ARHGAP26: variants seen among roughly 807,000 people sequenced by gnomAD.
ARHGAP26 encodes the protein rho GTPase-activating protein 26.
In ARHGAP26, 38 loss-of-function variants were observed where a neutral mutation model predicts 104.8. The ratio of observed to expected loss-of-function variants is 0.36; its 90% CI spans 0.28 to 0.48. The LOEUF (loss-of-function observed/expected upper bound fraction) is 0.48, where lower values mean the gene tolerates loss of function less well. ARHGAP26 is among the 20% of genes least tolerant of loss of function. The pLI is 0.99. For missense variants in ARHGAP26, 704 were observed against 947.9 expected (o/e 0.74, Z 3.38); for synonymous variants, 341 against 340.0 (o/e 1.00, Z -0.03).
chr5:143,044,574 G>A (rs1783953639), intron 14 of ARHGAP26, among the ~76,000 whole-genome samples: 1 of 151,900 alleles, frequency 6.6e-6, no homozygotes, highest in South Asian at 2.1e-4. Flanking sequence ...TGGGGGATGT[G>A]GGGGATGGGG....
intron 10 of ARHGAP26, among the ~76,000 whole-genome samples, chr5:142,926,049 G>A (rs762323025): frequency 6.6e-6 from 1 of 152,176 alleles, no homozygotes; most frequent in East Asian, 1.9e-4. Flanking sequence ...GCGTAGGAAA[G>A]CTGTCGAGTA....
intron 12 of ARHGAP26, among the ~76,000 whole-genome samples, chr5:143,026,691 A>G (rs1478460540): frequency 1.3e-5 from 2 of 151,798 alleles, no homozygotes; most frequent in Admixed American, 6.6e-5. Flanking sequence ...CTGCATTCTT[A>G]GTGTGAAGAG....
At chr5:142,953,357 C>T (rs1393907698) in intron 11 of ARHGAP26, among the ~76,000 whole-genome samples, 1 of 152,174 alleles carries the variant, frequency 6.6e-6, no homozygotes, top group African/African-American at 2.4e-5. Context: ...TCCCTTTTTC[C>T]TTCTCGTGTA....
Position 142,879,452 on chromosome 5 carries a change from A to G in ARHGAP26, c.384+7A>G. 6.2e-7 allele frequency: 1 copy of G among 1,609,104 alleles called. No homozygotes were observed. Among genetic ancestry groups the G allele is most frequent in the Non-Finnish European group, 8.5e-7 (1 of 1,177,676 alleles). Reference sequence around the variant, plus strand: ...ACAGATCGGGGCTGCCAAGGTGAGAATTTTGCAAGCTTTGGTCTGGATTTT... The same window carrying G: ...ACAGATCGGGGCTGCCAAGGTGAGAGTTTTGCAAGCTTTGGTCTGGATTTT... On this transcript the variant is annotated splice_region_variant and intron_variant, in intron 4 of 22. Coordinates refer to ENST00000645722, the MANE Select transcript of ARHGAP26 (RefSeq NM_001135608.3).
intron 17 of ARHGAP26, among the ~76,000 whole-genome samples, chr5:143,083,856 C>T (rs1038214900): frequency 1.3e-5 from 2 of 152,160 alleles, no homozygotes; most frequent in East Asian, 3.9e-4. Context: ...ATATCTCAGA[C>T]TTATCCCTCT....
At chr5:142,942,368 G>T (rs1766489107) in intron 11 of ARHGAP26, among the ~76,000 whole-genome samples, 1 of 152,104 alleles carries the variant, frequency 6.6e-6, no homozygotes, top group Admixed American at 6.6e-5. Context: ...TAGAAATATA[G>T]TTATCAAAGT....
chr5:143,086,193 G>A (rs1250970708), intron 17 of ARHGAP26, among the ~76,000 whole-genome samples: 1 of 152,116 alleles, frequency 6.6e-6, no homozygotes, highest in Non-Finnish European at 1.5e-5. Context: ...TCTGGAAAAA[G>A]AATTATTCCA....
At chr5:142,950,449 A>C (rs1026497555) in intron 11 of ARHGAP26, among the ~76,000 whole-genome samples, 1 of 152,150 alleles carries the variant, frequency 6.6e-6, no homozygotes, top group Non-Finnish European at 1.5e-5. Context: ...ACTTGCAAGA[A>C]AGAGAAGTAG....
chr5:142,928,582 C>CACA (rs1206991172), intron 10 of ARHGAP26, among the ~76,000 whole-genome samples: 2 of 152,156 alleles, frequency 1.3e-5, no homozygotes, highest in Non-Finnish European at 2.9e-5. Flanking sequence ...TGGCATTGTG[C>CACA]ACAAGAGTTA....
Position 142,903,622 on chromosome 5 carries a change from C to G in ARHGAP26, c.785C>G (p.Thr262Ser), listed in dbSNP as rs746183177. ...AAGGAGAATCCCCTTGAGCACAAGA[C>G]CATCAGTCCCTACACCATGGAGGGA... ...KMKENPLEHK[T>S]ISPYTMEGYL... Residue 262 changes from threonine (T) to serine (S), a missense_variant, in exon 8 of 23, where the codon ACC becomes AGC. Transcript: ENST00000645722. 1.2e-6 allele frequency: 2 copies of G among 1,614,070 alleles called. No homozygotes were observed. The highest frequency in any genetic ancestry group is 2.2e-5 in the South Asian group (2 of 91,072).
chr5:142,771,254 G>A, intron 1 of ARHGAP26: 1 of 1,253,230 alleles, frequency 8.0e-7, no homozygotes, highest in Non-Finnish European at 1.0e-6. Flanking sequence ...GCAGCCAGCG[G>A]GCAGATCCCA....
At chr5:143,221,003 A>C (rs1188848045) in intron 22 of ARHGAP26, among the ~76,000 whole-genome samples, 2 of 152,250 alleles carry the variant, frequency 1.3e-5, no homozygotes, top group African/African-American at 4.8e-5. Context: ...GGGAAAATCT[A>C]TTCTCTCCAA....
chr5:143,221,382 CAG>C (rs1421226852), intron 22 of ARHGAP26, among the ~76,000 whole-genome samples: 1 of 106,428 alleles, frequency 9.4e-6, no homozygotes, highest in African/African-American at 3.8e-5. Context: ...GTGAGTGAAA[CAG>C]AGAAATGGCT....
intron 18 of ARHGAP26, among the ~76,000 whole-genome samples, chr5:143,126,719 A>G (rs536277642): frequency 1.0e-3 from 154 of 152,328 alleles, no homozygotes; most frequent in African/African-American, 3.7e-3. Context: ...CTCTCCTTGA[A>G]TTATATGAGA....
At chr5:142,913,628 T>C (rs1254194802) in intron 10 of ARHGAP26, among the ~76,000 whole-genome samples, 1 of 152,234 alleles carries the variant, frequency 6.6e-6, no homozygotes, top group Non-Finnish European at 1.5e-5. Flanking sequence ...AGTAGACTTT[T>C]AAAGAAAAGT....
At chr5:142,848,848 G>A (rs777740458) in intron 1 of ARHGAP26, among the ~76,000 whole-genome samples, 1 of 152,284 alleles carries the variant, frequency 6.6e-6, no homozygotes, top group African/African-American at 2.4e-5. Flanking sequence ...GTGGGCATCC[G>A]ATTTATGGGC....
chr5:142,770,672 C>G lies in ARHGAP26; in HGVS notation c.-90C>G. On this transcript the variant is annotated 5_prime_UTR_variant, in exon 1 of 23. Coordinates refer to ENST00000645722, the MANE Select transcript of ARHGAP26 (RefSeq NM_001135608.3). Reference sequence around the variant, plus strand: ...TGGAGCCGGCGGCCGTCGGGGGAGCCGGCCGGGGTCCCGCCGCGTGAGTGC... The same window carrying G: ...TGGAGCCGGCGGCCGTCGGGGGAGCGGGCCGGGGTCCCGCCGCGTGAGTGC... 3 of 973,400 alleles carry G rather than the reference C, an allele frequency of 3.1e-6. No homozygotes were observed. Among genetic ancestry groups the G allele is most frequent in the Non-Finnish European group, 3.7e-6 (3 of 802,278 alleles). The allele number at this position is 973,400 out of a possible 1,614,324, so 60.3% of individuals were successfully genotyped here. A position where few individuals can be genotyped will look rare whatever the true frequency, so the allele number is the denominator to read the frequency against.
intron 20 of ARHGAP26, among the ~76,000 whole-genome samples, chr5:143,172,748 CAG>C (rs1275982051): frequency 3.3e-5 from 5 of 152,166 alleles, no homozygotes; most frequent in Non-Finnish European, 5.9e-5. Context: ...GGCCTGGTAA[CAG>C]AATGATAGGT....
At chr5:142,889,990 C>T (rs1758271397) in intron 5 of ARHGAP26, among the ~76,000 whole-genome samples, 1 of 150,322 alleles carries the variant, frequency 6.7e-6, no homozygotes, top group Non-Finnish European at 1.5e-5. Context: ...ACAAAATTGG[C>T]CGGGCATGGT....
Sources: gnomAD v4.1 joint callset for allele counts (sites outside exome capture counted in the v4.1 genomes callset) on GRCh38, gnomAD v4.1.1 for gene constraint, MANE v1.5 for transcripts, NCBI Gene and HGNC (gene_info 2026-07-23, HGNC 2026-07-21) for gene names.